Variants in ABHD2 observed in about 807,000 individuals in gnomAD.
ABHD2 encodes the protein monoacylglycerol lipase ABHD2.
Under a neutral mutation model 48.1 loss-of-function variants are expected in ABHD2, and 20 were observed. The ratio of observed to expected loss-of-function variants is 0.42; its 90% confidence interval spans 0.29 to 0.60. The LOEUF is 0.60. Ranked by LOEUF, ABHD2 falls within the 20% of genes least tolerant of loss-of-function variation. ABHD2 has a pLI of 0.24. For synonymous variants in ABHD2, 209 were observed against 214.2 expected, an observed-to-expected ratio of 0.98 and a Z score of 0.21; for missense variants, 405 against 550.9, an observed-to-expected ratio of 0.74 and a Z score of 2.65.
the ABHD2 span, among the ~76,000 whole-genome samples, chr15:89,043,659 G>A: frequency 1.2e-4 from 16 of 132,484 alleles, no homozygotes; most frequent in Admixed American, 5.2e-4. Context: ...GAAGGAGGAG[G>A]AGGAGAGGGA....
chr15:89,118,368 G>A (rs766848849), intron 3 of ABHD2, among the ~76,000 whole-genome samples: 4 of 151,944 alleles, frequency 2.6e-5, no homozygotes, highest in East Asian at 1.9e-4. Context: ...TGGTAGAGAC[G>A]GGGTTTCACC....
rs1016543930 is a variant in ABHD2, at chr15:89,197,859, A to G, written c.*2436A>G. On this transcript the variant is annotated 3_prime_UTR_variant, in exon 11 of 11. Transcript: ENST00000352732. This position sits in a 1 kb window ranked among gnomAD's most constrained non-coding sequence, Gnocchi z 4.4. The stretch of plus-strand genomic sequence containing the variant: ...TTTTTAGTGTGTGGCTCTGAATGGC[A>G]CTCACATTCCATTTTGGCTCACATG... The G allele has an allele frequency of 1.9e-4, 29 of 152,304 alleles. No individual in the cohort carries two copies. The highest frequency in any genetic ancestry group is 6.7e-4 in the African/African-American group (28 of 41,564). The allele number at this position is 152,304 out of a possible 1,614,324, so 9.4% of individuals were successfully genotyped here.
chr15:89,132,141 A>T (rs551701982), intron 3 of ABHD2, among the ~76,000 whole-genome samples: 55 of 152,358 alleles, frequency 3.6e-4, no homozygotes, highest in African/African-American at 1.2e-3. Context: ...AGCAGCATCC[A>T]ACAATGGAGG....
At position 89,120,054 on chromosome 15, in the gene ABHD2, G is replaced by A. The variant is rs780857920; in HGVS notation, c.194+3533G>A. Among the ~76,000 whole-genome samples, 11 of 152,192 alleles carry A rather than the reference G, an allele frequency of 7.2e-5. No homozygotes were observed. The highest frequency in any genetic ancestry group is 2.1e-4 in the South Asian group (1 of 4,834). On this transcript the variant is annotated intron_variant, in intron 3 of 10. Transcript: ENST00000352732. The surrounding 1 kb of genome is among the most constrained non-coding windows in gnomAD (Gnocchi z 4.2). ...ATGATGACATGCGCGGAATCAGGACGTGTCTTCTTACTGTTCTGGTATAGA... is the reference window on the plus strand; with the variant it reads ...ATGATGACATGCGCGGAATCAGGACATGTCTTCTTACTGTTCTGGTATAGA...
chr15:89,042,587 CTTAT>C, the ABHD2 span, among the ~76,000 whole-genome samples: 41,248 of 141,120 alleles, frequency 0.29, 6,213 homozygotes, highest in Non-Finnish European at 0.33. Context: ...TTCTTTCTTT[CTTAT>C]TTATTTATTT....
intron 4 of ABHD2, among the ~76,000 whole-genome samples, chr15:89,154,551 A>T (rs1392932227): frequency 1.3e-5 from 2 of 152,284 alleles, no homozygotes; most frequent in East Asian, 3.9e-4. Context: ...CCCACTCTCA[A>T]GGTTCTTGTG....
chr15:89,053,248 G>A, the ABHD2 span, among the ~76,000 whole-genome samples: 1 of 152,134 alleles, frequency 6.6e-6, no homozygotes, highest in African/African-American at 2.4e-5. Flanking sequence ...TTACAGGCAT[G>A]AGCCACCGTA....
rs983311984 is a variant in ABHD2 at position 89,094,625 on chromosome 15, T to G, written c.-107+6062T>G. Among the ~76,000 whole-genome samples, 1 of 152,024 alleles carries G rather than the reference T, an allele frequency of 6.6e-6. No homozygotes were observed. The highest frequency in any genetic ancestry group is 2.4e-5 in the African/African-American group (1 of 41,386). ...TGGGAGACTGAGGCAGGAGAATCAC[T>G]TGAACCCAGGAGGCAGAGGCTGCCG... On this transcript the variant is annotated intron_variant, in intron 1 of 10. Transcript: ENST00000352732. This position sits in a 1 kb window ranked among gnomAD's most constrained non-coding sequence, Gnocchi z 4.7.
rs2051436519 is a variant in ABHD2 at position 89,198,466 on chromosome 15, T to A, written c.*3043T>A. Reference sequence around the variant, plus strand: ...GAAGAAAACTGTTATCTTTTCCTGCTGTGAGTTTACACAAATGATTCCAGA... The same window carrying A: ...GAAGAAAACTGTTATCTTTTCCTGCAGTGAGTTTACACAAATGATTCCAGA... On this transcript the variant is annotated 3_prime_UTR_variant, in exon 11 of 11. Coordinates refer to ENST00000352732, the MANE Select transcript of ABHD2 (RefSeq NM_152924.5). This position sits in a 1 kb window ranked among gnomAD's most constrained non-coding sequence, Gnocchi z 5.1. 6.6e-6 allele frequency: 1 copy of A among 152,262 alleles called. No individual in the cohort carries two copies. The highest frequency in any genetic ancestry group is 6.5e-5 in the Admixed American group (1 of 15,282). 9.4% of individuals were successfully genotyped at this position (152,262 alleles called of 1,614,324 possible).
Position 89,152,282 on chromosome 15 carries a change from T to C in ABHD2, c.370+430T>C, listed in dbSNP as rs2050606244. Among the ~76,000 whole-genome samples, 7 of 152,040 alleles carry C rather than the reference T, an allele frequency of 4.6e-5. No homozygotes were observed. In the South Asian group the frequency reaches 1.0e-3, roughly 22 times the overall value. On this transcript the variant is annotated intron_variant, in intron 4 of 10. Coordinates refer to ENST00000352732, the MANE Select transcript of ABHD2 (RefSeq NM_152924.5). ...TTTTAGTAGAGACGGGTTTTAACTG[T>C]GTTAGCCAGGATGGTCTCGATCTCC...
At chr15:89,066,557 TG>T in the ABHD2 span, among the ~76,000 whole-genome samples, 2 of 152,100 alleles carry the variant, frequency 1.3e-5, no homozygotes, top group East Asian at 1.9e-4. Context: ...ACATATATTT[TG>T]GGGGGACACA....
chr15:89,048,461 G>T, the ABHD2 span, among the ~76,000 whole-genome samples: 4 of 151,706 alleles, frequency 2.6e-5, no homozygotes, highest in African/African-American at 9.7e-5. Context: ...CTAGATTGGG[G>T]AAGTTCTCCT....
In ABHD2 at chr15:89,111,214, T is replaced by C. The variant is rs562879367; in HGVS notation, c.-106-2511T>C. 2.6e-5 allele frequency among the ~76,000 whole-genome samples: 4 copies of C among 152,354 alleles called. No individual in the cohort carries two copies. The South Asian group carries it at 6.2e-4, about 24-fold the overall frequency. The stretch of plus-strand genomic sequence containing the variant: ...TTTTCTTAGTTGCTATTTTAAAGCT[T>C]TGTTCTAATAATAAAAATGTTTGTA... On this transcript the variant is annotated intron_variant, in intron 1 of 10. Transcript: ENST00000352732.
At chr15:89,157,939 C>A (rs1308486052) in intron 5 of ABHD2, among the ~76,000 whole-genome samples, 5 of 151,920 alleles carry the variant, frequency 3.3e-5, no homozygotes, top group Non-Finnish European at 5.9e-5. Flanking sequence ...CAGAATTGGA[C>A]CCAAAAGTCA....
At chr15:89,169,253 T>C (rs773009166) in intron 5 of ABHD2, among the ~76,000 whole-genome samples, 1 of 152,138 alleles carries the variant, frequency 6.6e-6, no homozygotes, top group African/African-American at 2.4e-5. Flanking sequence ...AAGTCTAGCG[T>C]TGGACTTTGA....
rs187524327 is a variant in ABHD2, at chr15:89,115,185, C to G, written c.-6-1137C>G. Among the ~76,000 whole-genome samples, 22 of 152,268 alleles carry G rather than the reference C, an allele frequency of 1.4e-4. No homozygotes were observed. In the East Asian group the frequency reaches 4.1e-3, roughly 28 times the overall value. On this transcript the variant is annotated intron_variant, in intron 2 of 10. Coordinates refer to ENST00000352732, the MANE Select transcript of ABHD2 (RefSeq NM_152924.5). ...CTACTTGAAACCATTCCAGGGGAAG[C>G]TGTTGCCATAGCTACCTTGGCTATG...
the ABHD2 span, among the ~76,000 whole-genome samples, chr15:89,076,261 A>G: frequency 4.6e-5 from 7 of 152,324 alleles, no homozygotes; most frequent in East Asian, 9.6e-4. Flanking sequence ...GTCCAGGTAG[A>G]TATCATCCAC....
At chr15:89,139,068 G>T (rs952760481) in intron 3 of ABHD2, among the ~76,000 whole-genome samples, 2 of 151,948 alleles carry the variant, frequency 1.3e-5, no homozygotes, top group African/African-American at 4.8e-5. Context: ...AAAATTAACT[G>T]GGCATGGTGG....
Position 89,091,061 on chromosome 15 carries a change from G to A in ABHD2, c.-107+2498G>A, listed in dbSNP as rs74586687. Among the ~76,000 whole-genome samples, 573 of 152,288 alleles carry A rather than the reference G, an allele frequency of 3.8e-3. 5 individuals are homozygous for A. The East Asian group carries it at 0.048, about 13-fold the overall frequency. ...TCCAAAGCTTGAAATAAACCAGATG[G>A]CAAGTACAAGGGAATGGTCTTTTTC... On this transcript the variant is annotated intron_variant, in intron 1 of 10. Transcript: ENST00000352732. The surrounding 1 kb of genome is among the most constrained non-coding windows in gnomAD (Gnocchi z 5.5).
Sources: allele counts gnomAD v4.1 joint callset (sites outside exome capture counted in the v4.1 genomes callset), GRCh38; gene constraint gnomAD v4.1.1; non-coding constraint Gnocchi (gnomAD v3.1); transcripts MANE v1.5; gene names NCBI Gene and HGNC (gene_info 2026-07-23, HGNC 2026-07-21).